The following CWC27 variants were observed in gnomAD, a reference collection of about 807,000 sequenced individuals.
CWC27 encodes the protein spliceosome-associated protein CWC27 homolog.
A neutral mutation model predicts 63.6 loss-of-function variants in CWC27; 47 were observed. The ratio of observed to expected loss-of-function variants is 0.74; its 90% CI spans 0.58 to 0.94. The LOEUF (loss-of-function observed/expected upper bound fraction) is 0.94. Among genes scored for constraint, CWC27 ranks in the 40% least tolerant of loss-of-function variants. The pLI is 0.00. For missense variants in CWC27, 495 were observed against 554.3 expected (o/e 0.89, Z 1.07); for synonymous variants, 175 against 179.8 (o/e 0.97, Z 0.22).
chr5:64,967,234 C>T (rs1016073679), intron 11 of CWC27, among the ~76,000 whole-genome samples: 7 of 152,012 alleles, frequency 4.6e-5, no homozygotes, highest in East Asian at 1.9e-4. Flanking sequence ...CTATCTCACA[C>T]CAGCACCATG....
At chr5:64,837,806 G>A (rs1405768491) in intron 10 of CWC27, among the ~76,000 whole-genome samples, 3 of 151,874 alleles carry the variant, frequency 2.0e-5, no homozygotes, top group Non-Finnish European at 2.9e-5. Context: ...AGTTGTCGCC[G>A]ATCATAGAAA....
chr5:64,853,474 TATAAC>T (rs947746600), intron 10 of CWC27, among the ~76,000 whole-genome samples: 3 of 152,232 alleles, frequency 2.0e-5, no homozygotes, highest in African/African-American at 7.2e-5. Context: ...GTAATATACA[TATAAC>T]ATAAAATTTA....
rs1397949703 is a variant in CWC27 at position 65,018,488 on chromosome 5, A to G, written c.*167A>G. On this transcript the variant is annotated 3_prime_UTR_variant, in exon 14 of 14. Transcript: ENST00000381070. ...TGTTTTGCAAATTGTGGAATGATGT[A>G]AGCAAATGCTTTTGGTTACTGGTAC... The G allele has an allele frequency of 5.4e-6, 3 of 554,160 alleles. No individual in the cohort carries two copies. Among genetic ancestry groups the G allele is most frequent in the Non-Finnish European group, 9.0e-6 (3 of 334,934 alleles). 34.3% of individuals were successfully genotyped at this position (554,160 alleles called of 1,614,324 possible).
At chr5:64,910,664 A>G (rs1157075361) in intron 11 of CWC27, among the ~76,000 whole-genome samples, 1 of 151,870 alleles carries the variant, frequency 6.6e-6, no homozygotes, top group Non-Finnish European at 1.5e-5. Flanking sequence ...AATGGTGGAC[A>G]CTCCTACCCC....
chr5:64,874,221 G>A (rs1430345245), intron 10 of CWC27, among the ~76,000 whole-genome samples: 2 of 134,204 alleles, frequency 1.5e-5, no homozygotes, highest in African/African-American at 2.8e-5. Flanking sequence ...GAGTGCAGTG[G>A]CACAATCTCA....
intron 10 of CWC27, among the ~76,000 whole-genome samples, chr5:64,831,859 G>A (rs1040748080): frequency 1.3e-5 from 2 of 151,828 alleles, no homozygotes; most frequent in Non-Finnish European, 2.9e-5. Context: ...TGGTTTAATA[G>A]AAGGCAGCTG....
chr5:64,779,222 A>C (rs983243057), intron 2 of CWC27, among the ~76,000 whole-genome samples: 4 of 152,182 alleles, frequency 2.6e-5, no homozygotes, highest in African/African-American at 9.7e-5. Context: ...ATCTGGTGAA[A>C]TCTTTAGGGA....
intron 11 of CWC27, among the ~76,000 whole-genome samples, chr5:64,952,482 T>A (rs1748726962): frequency 6.6e-6 from 1 of 152,020 alleles, no homozygotes; most frequent in Admixed American, 6.6e-5. Context: ...GAAGGTGTTC[T>A]AGATAGTATA....
intron 11 of CWC27, among the ~76,000 whole-genome samples, chr5:64,936,452 A>G (rs182076680): frequency 6.6e-6 from 1 of 152,318 alleles, no homozygotes; most frequent in Non-Finnish European, 1.5e-5. Flanking sequence ...GATTTAGCTG[A>G]CTTGATCGTG....
At chr5:64,983,677 G>A (rs1419550470) in intron 13 of CWC27, among the ~76,000 whole-genome samples, 1 of 152,226 alleles carries the variant, frequency 6.6e-6, no homozygotes, top group Non-Finnish European at 1.5e-5. Flanking sequence ...GCCTAGGCCT[G>A]GTACAACAGA....
At chr5:64,815,916 C>T (rs748755631) in intron 10 of CWC27, among the ~76,000 whole-genome samples, 28 of 152,204 alleles carry the variant, frequency 1.8e-4, no homozygotes, top group Middle Eastern at 3.4e-3. Context: ...TAGAAACCCA[C>T]TCAAATTAGC....
chr5:64,796,895 ACTCC>A (rs1744297329), intron 7 of CWC27, among the ~76,000 whole-genome samples: 1 of 118,434 alleles, frequency 8.4e-6, no homozygotes, highest in Non-Finnish European at 1.7e-5. Context: ...TCTCTTTCTG[ACTCC>A]CTCCCTTCCT....
intron 11 of CWC27, among the ~76,000 whole-genome samples, chr5:64,892,403 AT>A (rs1227924050): frequency 6.6e-6 from 1 of 152,136 alleles, no homozygotes. Context: ...TAAAAGTAAC[AT>A]TTATTCTTTG....
chr5:65,014,446 A>C (rs1175673737), intron 13 of CWC27, among the ~76,000 whole-genome samples: 1 of 151,452 alleles, frequency 6.6e-6, no homozygotes, highest in Non-Finnish European at 1.5e-5. Flanking sequence ...AGCCTATGTG[A>C]AATTTTTTAT....
intron 10 of CWC27, among the ~76,000 whole-genome samples, chr5:64,873,155 T>G (rs1166724773): frequency 6.6e-6 from 1 of 152,164 alleles, no homozygotes; most frequent in African/African-American, 2.4e-5. Context: ...ACAAAAGGAA[T>G]GCATAAGCTT....
intron 2 of CWC27, among the ~76,000 whole-genome samples, chr5:64,777,594 A>C (rs1174823947): frequency 1.3e-5 from 2 of 152,138 alleles, no homozygotes; most frequent in Non-Finnish European, 2.9e-5. Context: ...AAATACTAGA[A>C]TGACAGCAAT....
chr5:64,777,671 C>A (rs571252072), intron 2 of CWC27, among the ~76,000 whole-genome samples: 3 of 152,054 alleles, frequency 2.0e-5, no homozygotes, highest in Non-Finnish European at 4.4e-5. Flanking sequence ...GGAGAACATT[C>A]AGGAGGATAT....
chr5:64,986,402 A>G (rs1284481651), intron 13 of CWC27, among the ~76,000 whole-genome samples: 2 of 152,138 alleles, frequency 1.3e-5, no homozygotes, highest in Non-Finnish European at 1.5e-5. Flanking sequence ...CATGGTATAT[A>G]ATTCTTTTTA....
At chr5:64,915,377 G>A (rs1468457453) in intron 11 of CWC27, among the ~76,000 whole-genome samples, 1 of 152,170 alleles carries the variant, frequency 6.6e-6, no homozygotes, top group Non-Finnish European at 1.5e-5. Context: ...ATAGGGAAGA[G>A]AGAGGTTAAC....
Sources: gnomAD v4.1 joint callset for allele counts (sites outside exome capture counted in the v4.1 genomes callset) on GRCh38, gnomAD v4.1.1 for gene constraint, MANE v1.5 for transcripts, NCBI Gene and HGNC (gene_info 2026-07-23, HGNC 2026-07-21) for gene names.